GALNTL6: variants seen among roughly 807,000 people sequenced by gnomAD.
GALNTL6 encodes polypeptide N-acetylgalactosaminyltransferase-like 6.
A neutral mutation model predicts 73.7 loss-of-function variants in GALNTL6; 46 were observed. That is an observed-to-expected ratio of 0.62 (90% CI 0.49 to 0.80). The LOEUF is 0.80. GALNTL6 is among the 30% of genes least tolerant of loss of function. The pLI is 0.00. For synonymous variants in GALNTL6, 259 were observed against 263.7 expected, an observed-to-expected ratio of 0.98 and a Z score of 0.17; for missense variants, 604 against 755.0, an observed-to-expected ratio of 0.80 and a Z score of 2.34.
At chr4:171,848,384 G>A (rs1386182190) in intron 2 of GALNTL6, among the ~76,000 whole-genome samples, 2 of 152,150 alleles carry the variant, frequency 1.3e-5, no homozygotes, top group Non-Finnish European at 2.9e-5. Flanking sequence ...TTTCAGAATG[G>A]TAAGGTTTAG....
At chr4:172,632,624 A>T (rs982959294) in intron 5 of GALNTL6, among the ~76,000 whole-genome samples, 1 of 152,190 alleles carries the variant, frequency 6.6e-6, no homozygotes, top group Non-Finnish European at 1.5e-5. Flanking sequence ...AAAAAGAAAA[A>T]TCCATTTTCT....
chr4:171,844,184 A>G (rs554511759), intron 2 of GALNTL6, among the ~76,000 whole-genome samples: 1 of 152,116 alleles, frequency 6.6e-6, no homozygotes, highest in African/African-American at 2.4e-5. Context: ...TTTTTCTTCT[A>G]GTTTGTTTGC....
intron 2 of GALNTL6, among the ~76,000 whole-genome samples, chr4:171,856,528 A>G (rs941486592): frequency 2.0e-5 from 3 of 152,168 alleles, no homozygotes; most frequent in African/African-American, 7.2e-5. Context: ...TCTCTCCTAT[A>G]GGAGGTTTAT....
At chr4:172,233,109 C>G (rs576496308) in intron 3 of GALNTL6, among the ~76,000 whole-genome samples, 1 of 151,374 alleles carries the variant, frequency 6.6e-6, no homozygotes, top group African/African-American at 2.4e-5. Context: ...TGGCTCACAT[C>G]TGCAATCCCA....
chr4:172,098,958 G>C (rs1404651562), intron 2 of GALNTL6, among the ~76,000 whole-genome samples: 3 of 152,154 alleles, frequency 2.0e-5, no homozygotes, highest in Non-Finnish European at 4.4e-5. Context: ...TAATAATAGA[G>C]AATGTTATGA....
intron 5 of GALNTL6, among the ~76,000 whole-genome samples, chr4:172,726,532 T>A (rs546398659): frequency 6.6e-6 from 1 of 152,340 alleles, no homozygotes; most frequent in East Asian, 1.9e-4. Context: ...TTTTGGCTAT[T>A]ACTATAACTA....
chr4:172,195,219 G>A (rs1308826806), intron 2 of GALNTL6, among the ~76,000 whole-genome samples: 1 of 151,998 alleles, frequency 6.6e-6, no homozygotes, highest in African/African-American at 2.4e-5. Flanking sequence ...ATAGTAAATG[G>A]TTCAATTCAA....
At chr4:172,156,545 A>ATATATATATATATAC (rs1734281517) in intron 2 of GALNTL6, among the ~76,000 whole-genome samples, 1 of 67,342 alleles carries the variant, frequency 1.5e-5, no homozygotes, top group African/African-American at 7.3e-5. Flanking sequence ...TATATAATAT[A>ATATATATATATATAC]TATATATATA....
At chr4:172,243,062 A>T (rs1305703262) in intron 3 of GALNTL6, among the ~76,000 whole-genome samples, 1 of 152,202 alleles carries the variant, frequency 6.6e-6, no homozygotes, top group African/African-American at 2.4e-5. Context: ...GCCCAACATG[A>T]TCTACACCTG....
intron 10 of GALNTL6, among the ~76,000 whole-genome samples, chr4:172,959,480 G>C (rs1168674919): frequency 6.6e-6 from 1 of 152,058 alleles, no homozygotes; most frequent in Non-Finnish European, 1.5e-5. Flanking sequence ...GGAGGCAAGG[G>C]AAACAGGCCC....
At chr4:171,994,988 A>G (rs890509260) in intron 2 of GALNTL6, among the ~76,000 whole-genome samples, 6 of 152,054 alleles carry the variant, frequency 3.9e-5, no homozygotes, top group African/African-American at 1.2e-4. Flanking sequence ...AAATGATCAA[A>G]TAAGACATAA....
intron 2 of GALNTL6, among the ~76,000 whole-genome samples, chr4:172,177,925 TG>T (rs1735100032): frequency 7.3e-6 from 1 of 136,278 alleles, no homozygotes; most frequent in African/African-American, 2.6e-5. Context: ...AGTTTATTTG[TG>T]TGTTCTTCAA....
chr4:172,827,237 C>T (rs140569823), intron 7 of GALNTL6, among the ~76,000 whole-genome samples: 23 of 152,278 alleles, frequency 1.5e-4, no homozygotes, highest in East Asian at 1.4e-3. Flanking sequence ...TTTGTTCAGC[C>T]GCAAATCTCA....
At chr4:172,267,401 C>T (rs1428187823) in intron 3 of GALNTL6, among the ~76,000 whole-genome samples, 1 of 152,044 alleles carries the variant, frequency 6.6e-6, no homozygotes, top group Non-Finnish European at 1.5e-5. Context: ...GGAAATAGTG[C>T]ATAGGTTTTA....
intron 5 of GALNTL6, among the ~76,000 whole-genome samples, chr4:172,808,633 T>C (rs1051343375): frequency 1.3e-5 from 2 of 152,236 alleles, no homozygotes; most frequent in African/African-American, 4.8e-5. Context: ...ATGCATTTTG[T>C]CACAGACAGT....
At chr4:172,871,866 C>T (rs1262729691) in intron 7 of GALNTL6, among the ~76,000 whole-genome samples, 1 of 151,966 alleles carries the variant, frequency 6.6e-6, no homozygotes, top group Non-Finnish European at 1.5e-5. Context: ...TCACCACAAA[C>T]TCCTCCTCCC....
In GALNTL6 at chr4:172,082,140, G is replaced by A. The variant is rs148632871; in HGVS notation, c.139-147516G>A. ...GATCCAGCTGCCTCGGCCTCCCAAA[G>A]TACTGAGATTACAGGCACTGCACCT... On this transcript the variant is annotated intron_variant, in intron 2 of 12. Coordinates refer to ENST00000506823, the MANE Select transcript of GALNTL6 (RefSeq NM_001034845.3). 4.1e-4 allele frequency among the ~76,000 whole-genome samples: 62 copies of A among 152,116 alleles called. No homozygotes were observed. The East Asian group carries it at 0.011, about 26-fold the overall frequency.
rs777559069 is a variant in GALNTL6, at chr4:172,229,719, G to A, written c.202G>A (p.Asp68Asn). The change falls in exon 3 of 13, where the codon GAC becomes AAC. Residue 68 changes from aspartate to asparagine, a missense_variant. This residue lies in a region of GALNTL6 where 141 missense variants were observed against 156.6 expected (regional missense o/e 0.90). Coordinates refer to ENST00000506823, the MANE Select transcript of GALNTL6 (RefSeq NM_001034845.3). ...YSWTDGLRRK[D>N]WHDYESIQKE... is the part of the protein sequence containing the mutation. ...ATGGACAGATGGTTTGAGAAGAAAG[G>A]ACTGGCATGACTATGAAAGCATTCA... The A allele has an allele frequency of 6.2e-7, 1 of 1,613,888 alleles. No individual in the cohort carries two copies. The highest frequency in any genetic ancestry group is 1.7e-5 in the Admixed American group (1 of 60,030).
intron 5 of GALNTL6, among the ~76,000 whole-genome samples, chr4:172,495,178 GACTC>G (rs970974014): frequency 8.5e-5 from 13 of 152,178 alleles, no homozygotes; most frequent in African/African-American, 2.7e-4. Context: ...TGAAGGGTAA[GACTC>G]ACAAGTTGAG....
Sources: allele counts gnomAD v4.1 joint callset (sites outside exome capture counted in the v4.1 genomes callset), GRCh38; gene constraint gnomAD v4.1.1; regional missense constraint gnomAD v4.1.1; transcripts MANE v1.5; gene names NCBI Gene and HGNC (gene_info 2026-07-23, HGNC 2026-07-21).